The following NMT2 variants were observed in gnomAD, a reference collection of about 807,000 sequenced individuals.
The protein encoded by NMT2 is N-myristoyltransferase 2.
A neutral mutation model predicts 65.4 loss-of-function variants in NMT2; 35 were observed. The observed-to-expected ratio is 0.54, with a 90% CI of 0.41 to 0.71. NMT2 has a LOEUF of 0.71. Among genes scored for constraint, NMT2 ranks in the 30% least tolerant of loss-of-function variants. The probability of loss-of-function intolerance (pLI) is 0.00; values close to 1 mark genes in which losing one functional copy is unlikely to be tolerated. For missense variants in NMT2, 489 were observed against 611.3 expected (o/e 0.80, Z 2.11); for synonymous variants, 226 against 231.8 (o/e 0.98, Z 0.23).
intron 10 of NMT2, among the ~76,000 whole-genome samples, chr10:15,110,982 C>T (rs1275518350): frequency 6.6e-6 from 1 of 151,692 alleles, no homozygotes; most frequent in Non-Finnish European, 1.5e-5. Context: ...TAGTAGAGAC[C>T]GGGTTTCACC....
At chr10:15,147,105 A>C (rs1478573274) in intron 1 of NMT2, among the ~76,000 whole-genome samples, 1 of 67,550 alleles carries the variant, frequency 1.5e-5, no homozygotes, top group African/African-American at 1.4e-4. Flanking sequence ...CAAAAAAAAA[A>C]AAAAAAAAAA....
At chr10:15,122,842 A>G (rs1490824098) in intron 8 of NMT2, among the ~76,000 whole-genome samples, 2 of 152,192 alleles carry the variant, frequency 1.3e-5, no homozygotes, top group African/African-American at 4.8e-5. Context: ...ACAGAAATAC[A>G]CATGCCACAT....
intron 9 of NMT2, among the ~76,000 whole-genome samples, chr10:15,118,258 C>T (rs922551662): frequency 2.0e-5 from 3 of 152,206 alleles, no homozygotes; most frequent in Admixed American, 2.0e-4. Flanking sequence ...CTTTCACGGG[C>T]TGGGCACAGT....
rs1845358289 is a variant in NMT2, at chr10:15,107,831, T to C, written c.*1364A>G. ...TTAGCATCTTATTTTTCCCGCAGAT[T>C]ATTGGCAATATAAACACACATCTGT... On this transcript the variant is annotated 3_prime_UTR_variant, in exon 12 of 12. Coordinates refer to ENST00000378165, the MANE Select transcript of NMT2 (RefSeq NM_004808.3). The C allele has an allele frequency of 1.0e-6, 1 of 985,708 alleles. No homozygotes were observed. Among genetic ancestry groups the C allele is most frequent in the Non-Finnish European group, 1.2e-6 (1 of 829,934 alleles). The allele number at this position is 985,708 out of a possible 1,614,324, so 61.1% of individuals were successfully genotyped here.
At chr10:15,159,761 T>A (rs982256221) in intron 1 of NMT2, among the ~76,000 whole-genome samples, 7 of 152,190 alleles carry the variant, frequency 4.6e-5, no homozygotes, top group Non-Finnish European at 1.0e-4. Context: ...GGTTGGTAGA[T>A]GCTACACACA....
Position 15,168,526 on chromosome 10 carries a change from C to T in NMT2, c.87G>A (p.Glu29=), listed in dbSNP as rs775359244. 5.7e-6 allele frequency: 9 copies of T among 1,589,358 alleles called. No individual in the cohort carries two copies. The highest frequency in any genetic ancestry group is 7.7e-6 in the Non-Finnish European group (9 of 1,170,396). Residue 29 remains glutamate, a synonymous_variant, in exon 1 of 12, where the codon GAG becomes GAA. Transcript: ENST00000378165. Reference sequence around the variant, plus strand: ...ACCCTTTGGCGTGCTCCGTCTCCTCCTCATTGTCCCCGTCTATCCCGCACG... The same window carrying T: ...ACCCTTTGGCGTGCTCCGTCTCCTCTTCATTGTCCCCGTCTATCCCGCACG... ...QDTCGIDGDN[E]EETEHAKGSP...
intron 10 of NMT2, among the ~76,000 whole-genome samples, chr10:15,112,172 CTTTATATA>C (rs1564557029): frequency 4.0e-5 from 2 of 49,992 alleles, no homozygotes; most frequent in African/African-American, 7.7e-5. Flanking sequence ...AAGATATGGG[CTTTATATA>C]TATATATATA....
At chr10:15,156,675 G>A (rs1177989769) in intron 1 of NMT2, among the ~76,000 whole-genome samples, 1 of 152,076 alleles carries the variant, frequency 6.6e-6, no homozygotes, top group Non-Finnish European at 1.5e-5. Context: ...GAGGCGGGAG[G>A]ATCACAAGGT....
chr10:15,136,050 A>C (rs887145337), intron 2 of NMT2, among the ~76,000 whole-genome samples: 2 of 152,104 alleles, frequency 1.3e-5, no homozygotes, highest in Non-Finnish European at 2.9e-5. Flanking sequence ...CAACACGGTG[A>C]AACCTTGTCT....
intron 1 of NMT2, among the ~76,000 whole-genome samples, chr10:15,145,677 G>C (rs1375788040): frequency 6.6e-6 from 1 of 152,208 alleles, no homozygotes; most frequent in Non-Finnish European, 1.5e-5. Context: ...ACCAAGTCTG[G>C]CCTGAATGGT....
At chr10:15,132,157 G>A (rs1025213801) in intron 6 of NMT2, among the ~76,000 whole-genome samples, 6 of 152,260 alleles carry the variant, frequency 3.9e-5, no homozygotes, top group South Asian at 4.1e-4. Flanking sequence ...GTGAGCCACT[G>A]TGCCTGGCCA....
At chr10:15,155,043 C>T (rs1413945678) in intron 1 of NMT2, 6 of 1,244,996 alleles carry the variant, frequency 4.8e-6, no homozygotes, top group African/African-American at 1.5e-5. Flanking sequence ...GATGCCAGGA[C>T]CTGTATGCTT....
chr10:15,130,786 CTTTT>C (rs765987022), intron 6 of NMT2, among the ~76,000 whole-genome samples: 6 of 101,202 alleles, frequency 5.9e-5, no homozygotes, highest in South Asian at 3.6e-4. Flanking sequence ...TTCTTTCTTT[CTTTT>C]TTTTTTTTTT....
At chr10:15,144,692 C>T (rs1050552050) in intron 1 of NMT2, among the ~76,000 whole-genome samples, 20 of 151,996 alleles carry the variant, frequency 1.3e-4, no homozygotes, top group Admixed American at 1.2e-3. Context: ...GATTGCACCA[C>T]TGCACTCCAG....
intron 1 of NMT2, among the ~76,000 whole-genome samples, chr10:15,151,619 G>A (rs1311863351): frequency 6.6e-6 from 1 of 152,216 alleles, no homozygotes; most frequent in Non-Finnish European, 1.5e-5. Context: ...AATTGAAGAT[G>A]AAATTCAAAT....
chr10:15,136,582 T>G (rs1192765483), intron 2 of NMT2, among the ~76,000 whole-genome samples: 3 of 152,036 alleles, frequency 2.0e-5, no homozygotes, highest in African/African-American at 7.2e-5. Flanking sequence ...ACCATGCCCC[T>G]TCCTCCCGGC....
chr10:15,106,665 A>G lies in NMT2; in HGVS notation c.*2530T>C. The G allele has an allele frequency of 2.0e-6, 2 of 985,298 alleles. No homozygotes were observed. Among genetic ancestry groups the G allele is most frequent in the South Asian group, 4.7e-5 (1 of 21,286 alleles). 61.0% of individuals were successfully genotyped at this position (985,298 alleles called of 1,614,324 possible). ...GGCAACCTATAGAAAGGAGAGTTCC[A>G]ACTCCTTCGTAGTGACCAAGGTCAA... is the stretch of plus-strand genomic sequence containing the variant. On this transcript the variant is annotated 3_prime_UTR_variant, in exon 12 of 12. Transcript: ENST00000378165.
intron 8 of NMT2, among the ~76,000 whole-genome samples, chr10:15,126,659 A>G (rs1347477385): frequency 6.6e-6 from 1 of 152,158 alleles, no homozygotes; most frequent in African/African-American, 2.4e-5. Context: ...CCTGCCAACA[A>G]CTACAGGAGC....
intron 1 of NMT2, among the ~76,000 whole-genome samples, chr10:15,143,049 C>T (rs1326230771): frequency 1.3e-5 from 2 of 152,244 alleles, no homozygotes; most frequent in Middle Eastern, 3.4e-3. Context: ...CTAAGGTCTC[C>T]AATGCCTCAC....
Sources: allele counts gnomAD v4.1 joint callset (sites outside exome capture counted in the v4.1 genomes callset), GRCh38; gene constraint gnomAD v4.1.1; transcripts MANE v1.5; gene names NCBI Gene and HGNC (gene_info 2026-07-23, HGNC 2026-07-21).